Variants in EVC2 observed in about 807,000 individuals in gnomAD.
EVC2 encodes the protein EvC ciliary complex subunit 2.
A neutral mutation model predicts 149.3 loss-of-function variants in EVC2; 148 were observed. The observed-to-expected ratio is 0.99, with a 90% CI of 0.87 to 1.14. The LOEUF is 1.14. Among genes scored for constraint, EVC2 ranks in the 50% most tolerant of loss-of-function variants. The pLI, the probability that EVC2 is intolerant of heterozygous loss-of-function variation, is 0.00. For missense variants in EVC2, 1,854 were observed against 1,627.3 expected (o/e 1.14, Z -2.40); for synonymous variants, 776 against 649.9 (o/e 1.19, Z -2.95).
At position 5,625,627 on chromosome 4, in the gene EVC2, T is replaced by G; in HGVS notation, c.2046+122A>C. 7.7e-7 allele frequency: 1 copy of G among 1,303,894 alleles called. No homozygotes were observed. The highest frequency in any genetic ancestry group is 1.1e-6 in the Non-Finnish European group (1 of 925,618). 80.8% of individuals were successfully genotyped at this position (1,303,894 alleles called of 1,614,324 possible). ...ATCAACAGTAGATGGCACATCATGG[T>G]GCCTGCCCAGCTGCCCTTCTGATCC... On this transcript the variant is annotated intron_variant, in intron 13 of 21. Transcript: ENST00000344408. The surrounding 1 kb of genome is among the most constrained non-coding windows in gnomAD (Gnocchi z 4.0).
In EVC2 at chr4:5,576,555, ACT is replaced by A. The variant is rs2108779077; in HGVS notation, c.3058-103_3058-102del. Reference sequence around the variant, plus strand: ...GGTGTCTTGCTACAAGTCTGGCATGACTCTGTCTTGCCTGGTTCCCCATCCAG... The same window carrying A: ...GGTGTCTTGCTACAAGTCTGGCATGACTGTCTTGCCTGGTTCCCCATCCAG... On this transcript the variant is annotated intron_variant, in intron 17 of 21. Coordinates refer to ENST00000344408, the MANE Select transcript of EVC2 (RefSeq NM_147127.5). This position sits in a 1 kb window ranked among gnomAD's most constrained non-coding sequence, Gnocchi z 4.5. The A allele has an allele frequency of 1.3e-6, 2 of 1,531,168 alleles. No individual in the cohort carries two copies. The highest frequency in any genetic ancestry group is 2.0e-5 in the Admixed American group (1 of 50,938). 94.8% of individuals were successfully genotyped at this position (1,531,168 alleles called of 1,614,324 possible). A position where few individuals can be genotyped will look rare whatever the true frequency, so the allele number is the denominator to read the frequency against.
At chr4:5,706,429 C>CATAG (rs368245961) in intron 1 of EVC2, among the ~76,000 whole-genome samples, 22 of 12,624 alleles carry the variant, frequency 1.7e-3, no homozygotes, top group South Asian at 9.0e-3. Context: ...TAGATAGATA[C>CATAG]ATAGATAGAT....
At chr4:5,530,185 A>C in the EVC2 span, among the ~76,000 whole-genome samples, 1 of 152,314 alleles carries the variant, frequency 6.6e-6, no homozygotes, top group South Asian at 2.1e-4. Context: ...TAAAAGCATA[A>C]GTCCTTACCT....
intron 1 of EVC2, among the ~76,000 whole-genome samples, chr4:5,704,276 G>A (rs1722001906): frequency 6.6e-6 from 1 of 152,112 alleles, no homozygotes; most frequent in South Asian, 2.1e-4. Context: ...TTGATTGTGG[G>A]TGTGTTTTGA....
intron 15 of EVC2, among the ~76,000 whole-genome samples, chr4:5,616,235 T>C (rs1428082115): frequency 6.6e-6 from 1 of 152,162 alleles, no homozygotes. Context: ...ACAGGTCTGG[T>C]CAGGGCCCAG....
At chr4:5,656,042 G>C (rs1718499948) in intron 9 of EVC2, among the ~76,000 whole-genome samples, 1 of 152,186 alleles carries the variant, frequency 6.6e-6, no homozygotes, top group South Asian at 2.1e-4. Flanking sequence ...TGTAGTCTCA[G>C]AAAAGAGCTG....
intron 16 of EVC2, among the ~76,000 whole-genome samples, chr4:5,608,946 TTC>T (rs940911532): frequency 2.6e-5 from 4 of 152,136 alleles, no homozygotes; most frequent in African/African-American, 9.7e-5. Flanking sequence ...AAAGGGTGAA[TTC>T]TCTTTCTCTT....
At chr4:5,539,090 A>C (rs924783128), downstream of EVC2, among the ~76,000 whole-genome samples, 6 of 152,308 alleles carry the variant, frequency 3.9e-5, 1 homozygote, top group African/African-American at 1.4e-4. Flanking sequence ...CTAATCAGTA[A>C]GCCTAGAAAG....
rs1281465592 is a variant in EVC2, at chr4:5,657,335, T to A, written c.1145+5772A>T. On this transcript the variant is annotated intron_variant, in intron 9 of 21. Transcript: ENST00000344408. This position sits in a 1 kb window ranked among gnomAD's most constrained non-coding sequence, Gnocchi z 4.7. Reference sequence around the variant, plus strand: ...CTCCCCAAGCCACGTATCTGCTGCATCTACACAGACTCTGCCATCCTTCCT... The same window carrying A: ...CTCCCCAAGCCACGTATCTGCTGCAACTACACAGACTCTGCCATCCTTCCT... Among the ~76,000 whole-genome samples, 2 of 152,096 alleles carry A rather than the reference T, an allele frequency of 1.3e-5. No individual in the cohort carries two copies. Among genetic ancestry groups the A allele is most frequent in the African/African-American group, 4.8e-5 (2 of 41,434 alleles).
At chr4:5,577,099 T>TA (rs1722977371) in intron 17 of EVC2, among the ~76,000 whole-genome samples, 1 of 152,240 alleles carries the variant, frequency 6.6e-6, no homozygotes, top group Non-Finnish European at 1.5e-5. Flanking sequence ...ACTGAACACT[T>TA]ACAACAATCC....
At chr4:5,582,819 G>A (rs1447741798) in intron 17 of EVC2, among the ~76,000 whole-genome samples, 1 of 152,172 alleles carries the variant, frequency 6.6e-6, no homozygotes, top group African/African-American at 2.4e-5. Flanking sequence ...CTGTTCTCGT[G>A]ATGGAGTTAT....
At chr4:5,628,879 C>T (rs898221091) in intron 11 of EVC2, 145 bp from the exon 12 acceptor site, 8 of 844,998 alleles carry the variant, frequency 9.5e-6, no homozygotes, top group Non-Finnish European at 1.4e-5. Context: ...AACCTCCCTG[C>T]CTGTAACAAA....
intron 16 of EVC2, among the ~76,000 whole-genome samples, chr4:5,588,015 T>G (rs73198107): frequency 0.17 from 25,316 of 152,086 alleles, 2,913 homozygotes; most frequent in East Asian, 0.61. Flanking sequence ...CCTCCCTGAG[T>G]TCTAGATTTC....
intron 16 of EVC2, among the ~76,000 whole-genome samples, chr4:5,585,691 C>T (rs530801319): frequency 4.0e-4 from 61 of 152,090 alleles, no homozygotes; most frequent in Non-Finnish European, 7.9e-4. Flanking sequence ...ATGAAACCAT[C>T]GCCACAACCA....
intron 15 of EVC2, among the ~76,000 whole-genome samples, chr4:5,615,801 T>C (rs1236292632): frequency 1.3e-5 from 2 of 152,182 alleles, no homozygotes; most frequent in Non-Finnish European, 2.9e-5. Context: ...GAACCTCAGC[T>C]CTGCAGTCAG....
At chr4:5,594,989 G>A (rs1189453887) in intron 16 of EVC2, among the ~76,000 whole-genome samples, 1 of 152,284 alleles carries the variant, frequency 6.6e-6, no homozygotes. Flanking sequence ...TGAAATGAAT[G>A]AAATAAAGCA....
intron 9 of EVC2, among the ~76,000 whole-genome samples, chr4:5,656,524 C>T (rs1373494664): frequency 6.6e-6 from 1 of 152,196 alleles, no homozygotes; most frequent in South Asian, 2.1e-4. Flanking sequence ...GCTGGATTAT[C>T]CAGTGAGCCC....
intron 9 of EVC2, among the ~76,000 whole-genome samples, chr4:5,649,094 C>T (rs1220596681): frequency 1.3e-5 from 2 of 152,180 alleles, no homozygotes; most frequent in Non-Finnish European, 2.9e-5. Context: ...TCCCATGAGG[C>T]GGACAGAGAC....
rs947990537 is a variant in EVC2 at position 5,677,110 on chromosome 4, G to T, written c.870+4150C>A. 3.3e-5 allele frequency among the ~76,000 whole-genome samples: 5 copies of T among 152,140 alleles called. 1 individual carries two copies. The East Asian group carries it at 7.7e-4, about 23-fold the overall frequency. The stretch of plus-strand genomic sequence containing the variant: ...AGTAATAATACTGCTGACGACAACA[G>T]CTGACATTTATGGAGCCCTCACAGT... On this transcript the variant is annotated intron_variant, in intron 7 of 21. Transcript: ENST00000344408. This position sits in a 1 kb window ranked among gnomAD's most constrained non-coding sequence, Gnocchi z 4.3.
Sources: gnomAD v4.1 joint callset for allele counts (sites outside exome capture counted in the v4.1 genomes callset) on GRCh38, gnomAD v4.1.1 for gene constraint, Gnocchi (gnomAD v3.1) non-coding constraint, MANE v1.5 for transcripts, NCBI Gene and HGNC (gene_info 2026-07-23, HGNC 2026-07-21) for gene names.